The following IGF1R variants were observed in gnomAD, a reference collection of about 807,000 sequenced individuals.
IGF1R encodes insulin-like growth factor 1 receptor.
A neutral mutation model predicts 144.6 loss-of-function variants in IGF1R; 44 were observed. The ratio of observed to expected loss-of-function variants is 0.30; its 90% CI spans 0.24 to 0.39. The LOEUF (loss-of-function observed/expected upper bound fraction) is 0.39, where lower values mean the gene tolerates loss of function less well. IGF1R is among the 10% of genes least tolerant of loss of function. The pLI, the probability that IGF1R is intolerant of heterozygous loss-of-function variation, is 1.00. For missense variants in IGF1R, 1,355 were observed against 1,833.7 expected (o/e 0.74, Z 4.77); for synonymous variants, 795 against 722.8 (o/e 1.10, Z -1.60).
At chr15:98,807,257 G>A (rs1180098857) in intron 2 of IGF1R, among the ~76,000 whole-genome samples, 1 of 152,174 alleles carries the variant, frequency 6.6e-6, no homozygotes, top group African/African-American at 2.4e-5. Context: ...TGTAAGTAGG[G>A]CGCTGAGCAC....
intron 2 of IGF1R, among the ~76,000 whole-genome samples, chr15:98,840,677 G>GT (rs58919638): frequency 0.017 from 2,262 of 131,222 alleles, 40 homozygotes; most frequent in African/African-American, 0.048. Flanking sequence ...TTTTTGTTTT[G>GT]TTTTTTTTTT....
At chr15:98,817,304 AAATAATAAT>A (rs57196850) in intron 2 of IGF1R, among the ~76,000 whole-genome samples, 14,383 of 146,114 alleles carry the variant, frequency 0.098, 777 homozygotes, top group Middle Eastern at 0.23. Context: ...TCTGTCTCAA[AAATAATAAT>A]AATAATAATA....
intron 2 of IGF1R, among the ~76,000 whole-genome samples, chr15:98,752,523 C>CA (rs1221788994): frequency 5.3e-5 from 8 of 150,758 alleles, no homozygotes; most frequent in South Asian, 2.1e-4. Flanking sequence ...ACTAAAAATA[C>CA]AAAAAAAAAG....
chr15:98,939,147 C>T lies in IGF1R; in HGVS notation c.3298-54C>T, dbSNP rs542972028. The stretch of plus-strand genomic sequence containing the variant: ...ATATGCAAACCTCGAAAGAAATTGG[C>T]ATGGAAAAAAAAAATCCAAAATTCT... On this transcript the variant is annotated intron_variant, in intron 17 of 20. Coordinates refer to ENST00000650285, the MANE Select transcript of IGF1R (RefSeq NM_000875.5). The T allele has an allele frequency of 1.3e-6, 2 of 1,482,738 alleles. 1 individual carries two copies. Among genetic ancestry groups the T allele is most frequent in the Middle Eastern group, 3.4e-4 (2 of 5,816 alleles). 91.8% of individuals were successfully genotyped at this position (1,482,738 alleles called of 1,614,324 possible). A position where few individuals can be genotyped will look rare whatever the true frequency, so the allele number is the denominator to read the frequency against.
chr15:98,910,831 G>A (rs2014978124), intron 6 of IGF1R, among the ~76,000 whole-genome samples: 1 of 152,224 alleles, frequency 6.6e-6, no homozygotes, highest in Non-Finnish European at 1.5e-5. Context: ...GTTCCTTTCT[G>A]TGGCACACCT....
At chr15:98,708,130 C>G in intron 2 of IGF1R, 23 bp downstream of exon 2, 1 of 1,596,156 alleles carries the variant, frequency 6.3e-7, no homozygotes. Flanking sequence ...CTGACTGCTG[C>G]TTTCTCTCTG....
intron 10 of IGF1R, among the ~76,000 whole-genome samples, chr15:98,919,781 T>TG (rs1303586625): frequency 6.6e-6 from 1 of 152,264 alleles, no homozygotes; most frequent in East Asian, 1.9e-4. Context: ...TACTGAGTTC[T>TG]GGCAGAGTCC....
At chr15:98,810,400 A>C (rs1166104245) in intron 2 of IGF1R, among the ~76,000 whole-genome samples, 1 of 152,142 alleles carries the variant, frequency 6.6e-6, no homozygotes, top group African/African-American at 2.4e-5. Context: ...ATAATTTTAA[A>C]ATGTTTTATT....
At chr15:98,676,056 C>G (rs2053034642) in intron 1 of IGF1R, among the ~76,000 whole-genome samples, 1 of 151,496 alleles carries the variant, frequency 6.6e-6, no homozygotes, top group Non-Finnish European at 1.5e-5. Context: ...TGTTGAACTC[C>G]CGGCCTCAGG....
intron 1 of IGF1R, among the ~76,000 whole-genome samples, chr15:98,706,741 C>T (rs570258605): frequency 2.0e-5 from 3 of 151,924 alleles, no homozygotes; most frequent in South Asian, 4.2e-4. Flanking sequence ...TTTCACTTAC[C>T]TTCATTTATA....
chr15:98,930,198 T>TGG, intron 14 of IGF1R, 37 bp from the exon 15 acceptor site: 1 of 1,399,890 alleles, frequency 7.1e-7, no homozygotes, highest in Non-Finnish European at 1.0e-6. Flanking sequence ...TGTATGGAGG[T>TGG]GGGGTTTTGT....
chr15:98,854,693 CG>C (rs2011696932), intron 2 of IGF1R, among the ~76,000 whole-genome samples: 1 of 152,090 alleles, frequency 6.6e-6, no homozygotes, highest in Admixed American at 6.6e-5. Context: ...CCAGGGCAGG[CG>C]GGTCTGGGAG....
At chr15:98,834,432 T>C (rs2057057359) in intron 2 of IGF1R, among the ~76,000 whole-genome samples, 1 of 152,234 alleles carries the variant, frequency 6.6e-6, no homozygotes, top group Non-Finnish European at 1.5e-5. Context: ...ACGTGAGTTA[T>C]CTCACCAAAG....
chr15:98,746,944 A>G (rs1439187693), intron 2 of IGF1R, among the ~76,000 whole-genome samples: 1 of 152,218 alleles, frequency 6.6e-6, no homozygotes, highest in Non-Finnish European at 1.5e-5. Flanking sequence ...TTGTTCTTAC[A>G]TCATATCTCT....
chr15:98,767,696 G>C (rs72769817), intron 2 of IGF1R, among the ~76,000 whole-genome samples: 8,672 of 152,232 alleles, frequency 0.057, 289 homozygotes, highest in Middle Eastern at 0.13. Context: ...AGTTAAAATA[G>C]GATGTTAAAG....
Position 98,935,278 on chromosome 15 carries a change from C to CA in IGF1R, c.3187-38_3187-37insA. On this transcript the variant is annotated intron_variant, in intron 16 of 20. Transcript: ENST00000650285. This position sits in a 1 kb window ranked among gnomAD's most constrained non-coding sequence, Gnocchi z 4.2. Reference sequence around the variant, plus strand: ...CAACACAGGCATCAGCAAGGGCCACCTGACCCTCTGAGTCTTTCTCTTTTT... The same window carrying CA: ...CAACACAGGCATCAGCAAGGGCCACCATGACCCTCTGAGTCTTTCTCTTTTT... 7.1e-7 allele frequency: 1 copy of CA among 1,401,920 alleles called. No homozygotes were observed. The highest frequency in any genetic ancestry group is 1.2e-5 in the South Asian group (1 of 81,012). The allele number at this position is 1,401,920 out of a possible 1,614,324, so 86.8% of individuals were successfully genotyped here.
chr15:98,811,794 C>A (rs867701689), intron 2 of IGF1R, among the ~76,000 whole-genome samples: 1 of 151,892 alleles, frequency 6.6e-6, no homozygotes, highest in African/African-American at 2.4e-5. Flanking sequence ...GGCGTGTTGG[C>A]GGGCGCCTGT....
At chr15:98,948,776 C>T (rs1373529072) in intron 20 of IGF1R, 68 bp downstream of exon 20, 7 of 1,559,240 alleles carry the variant, frequency 4.5e-6, no homozygotes, top group Non-Finnish European at 6.2e-6. Flanking sequence ...TCTTGGGTCA[C>T]AGGAGATTAG....
intron 2 of IGF1R, among the ~76,000 whole-genome samples, chr15:98,713,804 T>TA (rs2141269212): frequency 6.6e-6 from 1 of 152,312 alleles, no homozygotes; most frequent in African/African-American, 2.4e-5. Context: ...CCTAAGACCT[T>TA]ACTGCAACTA....
Sources: allele counts gnomAD v4.1 joint callset (sites outside exome capture counted in the v4.1 genomes callset), GRCh38; gene constraint gnomAD v4.1.1; non-coding constraint Gnocchi (gnomAD v3.1); transcripts MANE v1.5; gene names NCBI Gene and HGNC (gene_info 2026-07-23, HGNC 2026-07-21).